DRC4: variants seen among roughly 807,000 people sequenced by gnomAD.
The protein encoded by DRC4 is dynein regulatory complex subunit 4, also known as GAS-11.
chr16:90,044,177 T>G, the DRC4 span: 13 of 454,574 alleles, frequency 2.9e-5, no homozygotes, highest in Non-Finnish European at 4.9e-5. Flanking sequence ...GGCTCCAGTG[T>G]GGGGTGAGGC....
the DRC4 span, among the ~76,000 whole-genome samples, chr16:90,033,673 G>T: frequency 6.6e-6 from 1 of 151,994 alleles, no homozygotes; most frequent in Admixed American, 6.6e-5. Flanking sequence ...AAAAAGGAAA[G>T]AGATCATTTG....
At chr16:90,028,052 C>A in the DRC4 span, 1 of 241,526 alleles carries the variant, frequency 4.1e-6, no homozygotes, top group Non-Finnish European at 8.0e-6. Flanking sequence ...ATAGACTTAT[C>A]GTAGAACACA....
chr16:90,044,145 G>C, the DRC4 span: 10 of 455,580 alleles, frequency 2.2e-5, no homozygotes, highest in African/African-American at 1.0e-4. Flanking sequence ...CCACAGCCCA[G>C]TAAGTCAGGC....
At chr16:90,044,804 C>G in the DRC4 span, 16 of 279,150 alleles carry the variant, frequency 5.7e-5, no homozygotes, top group East Asian at 1.6e-3. Flanking sequence ...ACTGCCCTGT[C>G]TTTAGGAAAT....
the DRC4 span, among the ~76,000 whole-genome samples, chr16:90,030,982 G>T: frequency 6.6e-6 from 1 of 152,126 alleles, no homozygotes; most frequent in Admixed American, 6.5e-5. Flanking sequence ...TGTAATAATG[G>T]TGTGGGTAAT....
chr16:90,030,883 G>GC, the DRC4 span, among the ~76,000 whole-genome samples: 7 of 152,330 alleles, frequency 4.6e-5, no homozygotes, highest in South Asian at 1.4e-3. Flanking sequence ...CTCCCAGAGT[G>GC]CTGGGGTTGC....
the DRC4 span, chr16:90,035,785 A>G: frequency 1.9e-6 from 3 of 1,611,748 alleles, no homozygotes. Flanking sequence ...GGGAGCAAAA[A>G]CTGGATTAAA....
chr16:90,042,877 T>C, the DRC4 span: 1 of 498,056 alleles, frequency 2.0e-6, no homozygotes, highest in African/African-American at 1.9e-5. Context: ...AGGGAGGGCG[T>C]GAAGAACCTG....
the DRC4 span, chr16:90,044,391 G>A: frequency 3.3e-5 from 14 of 428,448 alleles, 1 homozygote; most frequent in South Asian, 1.0e-4. Context: ...ACCTGCCACC[G>A]CCCAGGACCA....
the DRC4 span, chr16:90,043,179 C>T: frequency 1.9e-6 from 3 of 1,600,428 alleles, no homozygotes; most frequent in South Asian, 2.2e-5. Flanking sequence ...CTCCCTGACA[C>T]TGCCCTGTCT....
At chr16:90,036,279 A>T in the DRC4 span, 1 of 1,030,722 alleles carries the variant, frequency 9.7e-7, no homozygotes, top group Non-Finnish European at 1.4e-6. Context: ...GGCTGTTCTG[A>T]CCACAGTGGG....
At chr16:90,020,439 G>A in the DRC4 span, among the ~76,000 whole-genome samples, 9 of 152,344 alleles carry the variant, frequency 5.9e-5, no homozygotes, top group African/African-American at 2.2e-4. Flanking sequence ...TGGGTGGCAG[G>A]AAGCATCAGA....
the DRC4 span, among the ~76,000 whole-genome samples, chr16:90,038,894 G>T: frequency 6.6e-6 from 1 of 152,234 alleles, no homozygotes; most frequent in Non-Finnish European, 1.5e-5. Flanking sequence ...TTTGTCTGTG[G>T]TGTGCGGGGC....
At chr16:90,022,474 A>C in the DRC4 span, 1 of 441,478 alleles carries the variant, frequency 2.3e-6, no homozygotes. Flanking sequence ...GCAATAAGCA[A>C]AACATGCCCT....
At chr16:90,023,295 C>A in the DRC4 span, among the ~76,000 whole-genome samples, 1 of 152,184 alleles carries the variant, frequency 6.6e-6, no homozygotes, top group African/African-American at 2.4e-5. Flanking sequence ...AACCACTGTT[C>A]CCTTGGAAAG....
At chr16:90,040,318 G>C in the DRC4 span, 4 of 1,592,130 alleles carry the variant, frequency 2.5e-6, no homozygotes, top group South Asian at 1.1e-5. Flanking sequence ...GGAGCGGGAC[G>C]AGCTCTATCG....
the DRC4 span, chr16:90,032,757 C>T: frequency 3.1e-6 from 5 of 1,613,902 alleles, no homozygotes; most frequent in South Asian, 1.1e-5. Context: ...ATATGAGCAC[C>T]AGAACAACCT....
At chr16:90,043,255 G>A in the DRC4 span, 2 of 1,613,664 alleles carry the variant, frequency 1.2e-6, no homozygotes, top group Non-Finnish European at 1.7e-6. Flanking sequence ...GGATCCCTCT[G>A]GACAACGTGG....
the DRC4 span, among the ~76,000 whole-genome samples, chr16:90,026,571 C>T: frequency 2.6e-5 from 4 of 152,166 alleles, no homozygotes; most frequent in Non-Finnish European, 4.4e-5. Flanking sequence ...CCAATGTTGC[C>T]GCCAGCATGG....
Sources: allele counts gnomAD v4.1 joint callset (sites outside exome capture counted in the v4.1 genomes callset), GRCh38; gene constraint gnomAD v4.1.1; transcripts MANE v1.5; gene names NCBI Gene and HGNC (gene_info 2026-07-23, HGNC 2026-07-21).